The following PRKG1 variants were observed in gnomAD, a reference collection of about 807,000 sequenced individuals.
The protein encoded by PRKG1 is cGMP-dependent protein kinase 1.
A neutral mutation model predicts 88.1 loss-of-function variants in PRKG1; 35 were observed. The ratio of observed to expected loss-of-function variants is 0.40; its 90% CI spans 0.30 to 0.53. The LOEUF (loss-of-function observed/expected upper bound fraction) is 0.53. Among genes scored for constraint, PRKG1 ranks in the 20% least tolerant of loss-of-function variants. The probability of loss-of-function intolerance (pLI) is 0.59; values close to 1 mark genes in which losing one functional copy is unlikely to be tolerated. For synonymous variants in PRKG1, 303 were observed against 292.5 expected (o/e 1.04, Z -0.37); for missense variants, 540 against 839.8 (o/e 0.64, Z 4.41).
chr10:51,976,193 A>G (rs779452599), intron 5 of PRKG1, among the ~76,000 whole-genome samples: 5 of 151,984 alleles, frequency 3.3e-5, no homozygotes, highest in Non-Finnish European at 7.4e-5. Flanking sequence ...ACTTTTGAAA[A>G]TAGTTTGAGA....
At chr10:52,293,161 A>G (rs1470936413) in intron 17 of PRKG1, among the ~76,000 whole-genome samples, 2 of 150,622 alleles carry the variant, frequency 1.3e-5, no homozygotes, top group Admixed American at 6.6e-5. Context: ...CCCATTCACA[A>G]TTGCTTCAAA....
chr10:51,814,552 C>T (rs1490201735), intron 4 of PRKG1, among the ~76,000 whole-genome samples: 1 of 152,040 alleles, frequency 6.6e-6, no homozygotes, highest in African/African-American at 2.4e-5. Context: ...TTAAGCTTGA[C>T]AAAGCTGGTA....
chr10:51,698,380 C>T (rs959432517), intron 3 of PRKG1: 1 of 1,613,954 alleles, frequency 6.2e-7, no homozygotes, highest in African/African-American at 1.3e-5. Flanking sequence ...CTCCAATTAG[C>T]AGTCTGGGAT....
At chr10:51,306,101 A>G (rs1841029438) in intron 2 of PRKG1, among the ~76,000 whole-genome samples, 2 of 152,202 alleles carry the variant, frequency 1.3e-5, no homozygotes, top group Admixed American at 1.3e-4. Flanking sequence ...TACAGCAAGG[A>G]TGATTTAGTG....
intron 5 of PRKG1, among the ~76,000 whole-genome samples, chr10:52,003,778 C>A (rs957351942): frequency 2.0e-5 from 3 of 152,150 alleles, no homozygotes; most frequent in Admixed American, 2.0e-4. Flanking sequence ...AGAAACAATT[C>A]CTCAATCAAT....
intron 3 of PRKG1, among the ~76,000 whole-genome samples, chr10:51,548,678 T>C (rs1019201565): frequency 1.3e-5 from 2 of 152,156 alleles, no homozygotes; most frequent in Non-Finnish European, 2.9e-5. Flanking sequence ...AGCATTTTTG[T>C]GTTCTCTTTT....
chr10:51,046,233 CAAGT>C (rs1337380216), intron 1 of PRKG1, among the ~76,000 whole-genome samples: 2 of 152,190 alleles, frequency 1.3e-5, no homozygotes, highest in Non-Finnish European at 2.9e-5. Flanking sequence ...TTTAACCAAC[CAAGT>C]AAGTACATTC....
rs143091508 is a variant in PRKG1 at position 50,997,588 on chromosome 10, A to G, written c.266+5944A>G. Among the ~76,000 whole-genome samples, 999 of 152,284 alleles carry G rather than the reference A, an allele frequency of 6.6e-3. 9 individuals carry two copies. Among genetic ancestry groups the G allele is most frequent in the Non-Finnish European group, 0.01 (712 of 68,012 alleles). Reference sequence around the variant, plus strand: ...AGGTGATTTCATAGTTGCTCAGGGTATGAATAATTATTTTCATTTGCCATT... The same window carrying G: ...AGGTGATTTCATAGTTGCTCAGGGTGTGAATAATTATTTTCATTTGCCATT... On this transcript the variant is annotated intron_variant, in intron 1 of 17. Coordinates refer to the PRKG1 transcript ENST00000401604.
At chr10:52,234,057 G>A (rs1193547445) in intron 9 of PRKG1, among the ~76,000 whole-genome samples, 1 of 151,904 alleles carries the variant, frequency 6.6e-6, no homozygotes, top group Non-Finnish European at 1.5e-5. Flanking sequence ...GAGGCACACT[G>A]ACACCTCACA....
At chr10:51,893,493 A>T (rs1345914937) in intron 4 of PRKG1, among the ~76,000 whole-genome samples, 4 of 152,146 alleles carry the variant, frequency 2.6e-5, no homozygotes, top group Non-Finnish European at 2.9e-5. Flanking sequence ...GGCCCCCTGC[A>T]GGTGCCTTTG....
intron 5 of PRKG1, among the ~76,000 whole-genome samples, chr10:51,915,383 A>G (rs1842316881): frequency 6.6e-6 from 1 of 152,204 alleles, no homozygotes; most frequent in East Asian, 1.9e-4. Context: ...CCAAGCTGGA[A>G]GAGATTAAAA....
intron 1 of PRKG1, among the ~76,000 whole-genome samples, chr10:51,019,850 A>G (rs2079997225): frequency 1.3e-5 from 2 of 152,240 alleles, no homozygotes; most frequent in African/African-American, 2.4e-5. Flanking sequence ...AATGAATAGA[A>G]ATTTTTTTAA....
chr10:51,013,157 T>C (rs1843013977), intron 1 of PRKG1, among the ~76,000 whole-genome samples: 2 of 94,592 alleles, frequency 2.1e-5, no homozygotes, highest in Admixed American at 1.2e-4. Flanking sequence ...ATTCAAGTTA[T>C]ATTACTTTTT....
chr10:50,993,521 C>G (rs1286400578), intron 1 of PRKG1, among the ~76,000 whole-genome samples: 1 of 152,230 alleles, frequency 6.6e-6, no homozygotes, highest in Non-Finnish European at 1.5e-5. Context: ...GCTGCCCTGC[C>G]CTGCGCTCAG....
At chr10:51,734,216 G>A (rs1324769436) in intron 3 of PRKG1, among the ~76,000 whole-genome samples, 1 of 151,860 alleles carries the variant, frequency 6.6e-6, no homozygotes, top group African/African-American at 2.4e-5. Context: ...TAAATATTGG[G>A]GATGATCAAG....
chr10:51,478,142 T>G (rs1252204100), intron 3 of PRKG1, among the ~76,000 whole-genome samples: 1 of 152,122 alleles, frequency 6.6e-6, no homozygotes, highest in Non-Finnish European at 1.5e-5. Flanking sequence ...ATTTTGAGTC[T>G]GTGTGTACAC....
rs567924920 is a variant in PRKG1 at position 52,190,261 on chromosome 10, A to T, written c.1076+28298A>T. On this transcript the variant is annotated intron_variant, in intron 9 of 17. Coordinates refer to ENST00000373980, the MANE Select transcript of PRKG1 (RefSeq NM_006258.4). ...AACTTTTACAAAATAAATACCAGTA[A>T]TTAAAATGCTCAAGTAATTGAAATG... Among the ~76,000 whole-genome samples the T allele has an allele frequency of 3.0e-4, 46 of 152,346 alleles. No homozygotes were observed. In the South Asian group the frequency reaches 9.3e-3, roughly 31 times the overall value.
intron 2 of PRKG1, among the ~76,000 whole-genome samples, chr10:51,166,823 C>T (rs898026735): frequency 2.0e-5 from 3 of 152,048 alleles, no homozygotes; most frequent in African/African-American, 4.8e-5. Flanking sequence ...AGAGATAAAG[C>T]GGGGTGTGAC....
chr10:52,211,347 T>C (rs1391056951), intron 9 of PRKG1, among the ~76,000 whole-genome samples: 2 of 152,102 alleles, frequency 1.3e-5, no homozygotes, highest in African/African-American at 4.8e-5. Context: ...AGTCAAGAAA[T>C]TTTTCGCAAC....
Sources: allele counts gnomAD v4.1 joint callset (sites outside exome capture counted in the v4.1 genomes callset), GRCh38; gene constraint gnomAD v4.1.1; transcripts MANE v1.5; gene names NCBI Gene and HGNC (gene_info 2026-07-23, HGNC 2026-07-21).